The following NBPF26 variants were observed in gnomAD, a reference collection of about 807,000 sequenced individuals.
NBPF26 encodes NBPF family member NBPF26.
Under a neutral mutation model 119.6 loss-of-function variants are expected in NBPF26, and 79 were observed. The observed-to-expected ratio is 0.66, with a 90% confidence interval of 0.55 to 0.80. NBPF26 has a LOEUF of 0.80. Among genes scored for constraint, NBPF26 ranks in the 30% least tolerant of loss-of-function variants. The pLI is 0.00. For synonymous variants in NBPF26, 299 were observed against 457.7 expected, an observed-to-expected ratio of 0.65 and a Z score of 4.43; for missense variants, 800 against 1,198.2, an observed-to-expected ratio of 0.67 and a Z score of 4.91.
intron 8 of NBPF26, 140 bp from the exon 9 acceptor site, chr1:120,810,207 G>C (rs1353620321): frequency 1.9e-6 from 2 of 1,070,650 alleles, no homozygotes; most frequent in South Asian, 1.4e-5. Flanking sequence ...CGGATTGCCT[G>C]TTTCCTCTTT....
chr1:120,815,405 A>G (rs1217588981), intron 12 of NBPF26, among the ~76,000 whole-genome samples: 2 of 113,038 alleles, frequency 1.8e-5, no homozygotes, highest in Non-Finnish European at 3.3e-5. Context: ...GTTCTTAGTA[A>G]CTGTCAGAGA....
At chr1:120,811,084 CAAA>C (rs1271078942) in intron 9 of NBPF26, among the ~76,000 whole-genome samples, 1 of 83,304 alleles carries the variant, frequency 1.2e-5, no homozygotes, top group Non-Finnish European at 2.2e-5. Context: ...ACTAAAAATA[CAAA>C]AAAAAAAAAA....
At chr1:120,798,629 C>CTT (rs1355268196) in intron 4 of NBPF26, among the ~76,000 whole-genome samples, 7 of 29,352 alleles carry the variant, frequency 2.4e-4, no homozygotes, top group Admixed American at 7.9e-4. Context: ...CTTTTCTTTT[C>CTT]TTTTTTTTTT....
At chr1:120,812,994 G>T (rs1478647132) in intron 10 of NBPF26, among the ~76,000 whole-genome samples, 2 of 118,888 alleles carry the variant, frequency 1.7e-5, no homozygotes, top group Non-Finnish European at 3.3e-5. Context: ...GAGTAGCTTG[G>T]TGAGAGTGAA....
intron 1 of NBPF26, among the ~76,000 whole-genome samples, chr1:120,729,867 CA>C: frequency 9.4e-6 from 1 of 106,160 alleles, no homozygotes; most frequent in African/African-American, 5.8e-5. Context: ...TCTGGGAAAT[CA>C]AAGTGTTTGT....
intron 1 of NBPF26, among the ~76,000 whole-genome samples, chr1:120,729,734 C>T (rs1650856037): frequency 8.6e-6 from 1 of 116,924 alleles, no homozygotes; most frequent in Non-Finnish European, 1.6e-5. Context: ...ATAAGAATAG[C>T]TCAGGTGTTC....
rs1367982310 is a variant in NBPF26, at chr1:120,737,512, A to T, written c.73+13262A>T. ...ATTTTTCCACTATGCTCAGTACTCA[A>T]ATTATGTATCAATATGTCGGCCCTT... On this transcript the variant is annotated intron_variant, in intron 1 of 29. Coordinates refer to ENST00000620612, the Ensembl canonical transcript of NBPF26. 1.5e-4 allele frequency among the ~76,000 whole-genome samples: 6 copies of T among 38,710 alleles called. No individual in the cohort carries two copies. The East Asian group carries it at 3.4e-3, about 22-fold the overall frequency. The allele number at this position is 38,710 out of a possible 152,430, so 25.4% of individuals were successfully genotyped here.
chr1:120,812,263 A>C (rs1651888449), intron 10 of NBPF26, among the ~76,000 whole-genome samples, 168 bp downstream of exon 10: 1 of 102,640 alleles, frequency 9.7e-6, no homozygotes, highest in South Asian at 2.9e-4. Flanking sequence ...AGAGGTACCA[A>C]AGTATTTAGC....
At chr1:120,733,164 A>G (rs1218644930) in intron 1 of NBPF26, among the ~76,000 whole-genome samples, 1 of 107,250 alleles carries the variant, frequency 9.3e-6, no homozygotes, top group Non-Finnish European at 1.7e-5. Context: ...ACATATATAT[A>G]TATATGCACA....
chr1:120,765,704 A>G (rs1337096084), intron 2 of NBPF26, among the ~76,000 whole-genome samples: 2 of 110,492 alleles, frequency 1.8e-5, no homozygotes, highest in African/African-American at 4.3e-5. Context: ...AGCACTATTT[A>G]CAGTAGGAAA....
Position 120,724,251 on chromosome 1 carries a change from G to C in NBPF26, c.73+1G>C. On this transcript the variant is annotated splice_donor_variant, in intron 1 of 29. Coordinates refer to ENST00000620612, the Ensembl canonical transcript of NBPF26. LOFTEE classifies it high-confidence loss of function. Reference sequence around the variant, plus strand: ...CTGTGCTGGGCGGCCCCCGCGCATGGTGAGTATCGGGCTGAGGGGCGCTGT... The same window carrying C: ...CTGTGCTGGGCGGCCCCCGCGCATGCTGAGTATCGGGCTGAGGGGCGCTGT... 1 of 1,399,790 alleles carries C rather than the reference G, an allele frequency of 7.1e-7. No homozygotes were observed. The highest frequency in any genetic ancestry group is 1.3e-5 in the South Asian group (1 of 79,086). The allele number at this position is 1,399,790 out of a possible 1,614,324, so 86.7% of individuals were successfully genotyped here.
At chr1:120,816,967 CCTT>C (rs1652022045) in intron 14 of NBPF26, 140 bp downstream of exon 14, 1 of 1,135,368 alleles carries the variant, frequency 8.8e-7, no homozygotes, top group Non-Finnish European at 1.2e-6. Context: ...AGTTTTTTGT[CCTT>C]CTCAGCTAAT....
chr1:120,728,736 G>C (rs1650842865), intron 1 of NBPF26, among the ~76,000 whole-genome samples: 1 of 115,806 alleles, frequency 8.6e-6, no homozygotes, highest in Non-Finnish European at 1.6e-5. Flanking sequence ...ATTTTTTTGA[G>C]ATTTTTTTCA....
In NBPF26 at chr1:120,813,314, C is replaced by G. The variant is rs1423872727; in HGVS notation, c.1775-577C>G. Among the ~76,000 whole-genome samples the G allele has an allele frequency of 7.7e-4, 99 of 127,838 alleles. 3 individuals are homozygous for G. The highest frequency in any genetic ancestry group is 3.5e-3 in the African/African-American group (92 of 26,634). 83.9% of individuals were successfully genotyped at this position (127,838 alleles called of 152,430 possible). A position where few individuals can be genotyped will look rare whatever the true frequency, so the allele number is the denominator to read the frequency against. ...TCATTCTGCTGTTTCTAAATTAACA[C>G]AAACTTTATTAACATTTGGGCATAT... is the stretch of plus-strand genomic sequence containing the variant. On this transcript the variant is annotated intron_variant, in intron 10 of 29. Transcript: ENST00000620612.
At position 120,815,239 on chromosome 1, in the gene NBPF26, G is replaced by A. The variant is rs1380885912; in HGVS notation, c.2092+196G>A. On this transcript the variant is annotated intron_variant, in intron 12 of 29. Coordinates refer to ENST00000620612, the Ensembl canonical transcript of NBPF26. ...GGTTGGAGGTCACAGTATTGCAAGT[G>A]TCCCTCCTTCCTTGATGGAAGGTGG... 1.2e-4 allele frequency among the ~76,000 whole-genome samples: 14 copies of A among 114,308 alleles called. 2 individuals carry two copies. The highest frequency in any genetic ancestry group is 1.2e-3 in the Admixed American group (14 of 12,006). The allele number at this position is 114,308 out of a possible 152,430, so 75.0% of individuals were successfully genotyped here.
rs1244780634 is a variant in NBPF26 at position 120,724,694 on chromosome 1, C to T, written c.73+444C>T. Among the ~76,000 whole-genome samples, 2 of 124,740 alleles carry T rather than the reference C, an allele frequency of 1.6e-5. 1 individual carries two copies. Among genetic ancestry groups the T allele is most frequent in the Non-Finnish European group, 3.3e-5 (2 of 61,518 alleles). 81.8% of individuals were successfully genotyped at this position (124,740 alleles called of 152,430 possible). ...GGGGCAGGGCCGCCAAGCCAAACGG[C>T]CTGCAGCTTCGCAGCCAGCCTCGCC... On this transcript the variant is annotated intron_variant, in intron 1 of 29. Coordinates refer to ENST00000620612, the Ensembl canonical transcript of NBPF26.
At chr1:120,770,270 T>G (rs1651247770) in intron 2 of NBPF26, among the ~76,000 whole-genome samples, 1 of 106,102 alleles carries the variant, frequency 9.4e-6, no homozygotes, top group Non-Finnish European at 1.8e-5. Flanking sequence ...CCCGGGTTCA[T>G]GCCATTCTCC....
intron 12 of NBPF26, among the ~76,000 whole-genome samples, chr1:120,815,309 A>T (rs1651984041): frequency 8.6e-6 from 1 of 116,634 alleles, no homozygotes; most frequent in African/African-American, 5.1e-5. Flanking sequence ...AAAGGACAGG[A>T]AGGAGGCTGG....
rs2101491230 is a variant in NBPF26, at chr1:120,806,165, A to T, written c.961+400A>T. Reference sequence around the variant, plus strand: ...TTTTATTCAGTTCAAGTTTCTGTTGAGGCCCAACAGGCAAAGCTCTGTTCT... The same window carrying T: ...TTTTATTCAGTTCAAGTTTCTGTTGTGGCCCAACAGGCAAAGCTCTGTTCT... On this transcript the variant is annotated intron_variant, in intron 5 of 29. Coordinates refer to ENST00000620612, the Ensembl canonical transcript of NBPF26. Among the ~76,000 whole-genome samples the T allele has an allele frequency of 1.7e-5, 2 of 118,486 alleles. 1 individual carries two copies. Among genetic ancestry groups the T allele is most frequent in the Non-Finnish European group, 3.4e-5 (2 of 59,288 alleles). 77.7% of individuals were successfully genotyped at this position (118,486 alleles called of 152,430 possible). A position where few individuals can be genotyped will look rare whatever the true frequency, so the allele number is the denominator to read the frequency against.
Sources: allele counts gnomAD v4.1 joint callset (sites outside exome capture counted in the v4.1 genomes callset), GRCh38; gene constraint gnomAD v4.1.1; transcripts MANE v1.5; gene names NCBI Gene and HGNC (gene_info 2026-07-23, HGNC 2026-07-21).